MSANTD5: variants seen among roughly 807,000 people sequenced by gnomAD.
MSANTD5 encodes the protein uncharacterized protein MSANTD5.
upstream of MSANTD5, among the ~76,000 whole-genome samples, chr5:178,698,561 T>C (rs1765444595): frequency 6.6e-6 from 1 of 152,090 alleles, no homozygotes; most frequent in Admixed American, 6.6e-5. Context: ...GGCTTTACAG[T>C]GAATGGTACT....
upstream of MSANTD5, among the ~76,000 whole-genome samples, chr5:178,701,921 C>A (rs1007690461): frequency 6.6e-6 from 1 of 150,616 alleles, no homozygotes; most frequent in Middle Eastern, 3.4e-3. Flanking sequence ...TTAGTAGAAA[C>A]GGGGTTTCTC....
chr5:178,699,174 C>T (rs578237981), upstream of MSANTD5, among the ~76,000 whole-genome samples: 2 of 152,202 alleles, frequency 1.3e-5, no homozygotes, highest in South Asian at 2.1e-4. Context: ...TCCCCAGGCT[C>T]GAGCCCTCTG....
At chr5:178,704,569 G>A in the MSANTD5 span, among the ~76,000 whole-genome samples, 4 of 152,200 alleles carry the variant, frequency 2.6e-5, no homozygotes, top group Admixed American at 2.6e-4. Context: ...GAATTACACT[G>A]TAGTAGCCCA....
upstream of MSANTD5, among the ~76,000 whole-genome samples, chr5:178,698,741 T>G (rs115150155): frequency 4.7e-3 from 618 of 131,700 alleles, 3 homozygotes; most frequent in African/African-American, 0.016. Flanking sequence ...TGTGCCACCA[T>G]GCTTGGCCTT....
chr5:178,697,316 T>C (rs555589614), intron 1 of MSANTD5, among the ~76,000 whole-genome samples: 43 of 151,192 alleles, frequency 2.8e-4, no homozygotes, highest in South Asian at 6.2e-4. Flanking sequence ...TAGCCGGGCG[T>C]GGTGGCGGGC....
the MSANTD5 span, among the ~76,000 whole-genome samples, chr5:178,703,405 G>T: frequency 4.3e-4 from 66 of 152,286 alleles, no homozygotes; most frequent in African/African-American, 1.5e-3. Context: ...TCTAGCCCAG[G>T]ATTCTTTCTA....
downstream of MSANTD5, among the ~76,000 whole-genome samples, chr5:178,691,909 T>G (rs1449484620): frequency 7.4e-6 from 1 of 134,926 alleles, no homozygotes; most frequent in Admixed American, 7.5e-5. Context: ...TAAGCTCTGC[T>G]AAGGCCCTCT....
Position 178,695,331 on chromosome 5 carries a change from A to AGG in MSANTD5, c.357_358dup (p.Leu120ProfsTer40), listed in dbSNP as rs1765400610. 1 of 152,296 alleles carries AGG rather than the reference A, an allele frequency of 6.6e-6. No individual in the cohort carries two copies. Among genetic ancestry groups the AGG allele is most frequent in the South Asian group, 2.1e-4 (1 of 4,830 alleles). The allele number at this position is 152,296 out of a possible 1,614,324, so 9.4% of individuals were successfully genotyped here. A position where few individuals can be genotyped will look rare whatever the true frequency, so the allele number is the denominator to read the frequency against. On this transcript the variant is annotated frameshift_variant, in exon 3 of 4. Coordinates refer to ENST00000648368, the Ensembl canonical transcript of MSANTD5. LOFTEE classifies it low-confidence loss of function (END_TRUNC). ...CCATCTGTACCCCAGAATCCTGTGC[A>AGG]GGGCCTCACCATAAGGACATGGCAA...
At chr5:178,706,461 T>G in the MSANTD5 span, among the ~76,000 whole-genome samples, 1 of 152,016 alleles carries the variant, frequency 6.6e-6, no homozygotes, top group Non-Finnish European at 1.5e-5. Context: ...CATTCTATAA[T>G]CTTCCAGTTA....
chr5:178,695,636 C>G (rs1044408915), intron 2 of MSANTD5, 38 bp from the exon 3 acceptor site: 1 of 152,166 alleles, frequency 6.6e-6, no homozygotes, highest in African/African-American at 2.4e-5. Context: ...CTTGGCATAA[C>G]TCACCTGCAC....
upstream of MSANTD5, among the ~76,000 whole-genome samples, chr5:178,701,033 G>A (rs565383621): frequency 1.8e-4 from 28 of 152,312 alleles, no homozygotes; most frequent in African/African-American, 6.5e-4. Flanking sequence ...GAGTGCAGTG[G>A]CGCGATCTCG....
chr5:178,697,378 C>T (rs1052203605), intron 1 of MSANTD5, among the ~76,000 whole-genome samples: 4 of 152,144 alleles, frequency 2.6e-5, no homozygotes, highest in South Asian at 2.1e-4. Flanking sequence ...GGCCTGAACC[C>T]GGGAGGCGGA....
chr5:178,697,362 G>A (rs911146570), intron 1 of MSANTD5, among the ~76,000 whole-genome samples: 1 of 152,068 alleles, frequency 6.6e-6, no homozygotes, highest in Admixed American at 6.6e-5. Context: ...GCTGAGGCAG[G>A]AGAATGGCCT....
chr5:178,705,813 T>C, the MSANTD5 span, among the ~76,000 whole-genome samples: 871 of 151,948 alleles, frequency 5.7e-3, 3 homozygotes, highest in African/African-American at 0.019. Flanking sequence ...AAAACTTAGC[T>C]GGGCGTGGTG....
rs901074827 is a variant in MSANTD5, at chr5:178,696,079, A to C, written c.91+18T>G. 4 of 151,144 alleles carry C rather than the reference A, an allele frequency of 2.6e-5. No individual in the cohort carries two copies. Among genetic ancestry groups the C allele is most frequent in the Admixed American group, 2.0e-4 (3 of 15,200 alleles). The allele number at this position is 151,144 out of a possible 1,614,324, so 9.4% of individuals were successfully genotyped here. A position where few individuals can be genotyped will look rare whatever the true frequency, so the allele number is the denominator to read the frequency against. On this transcript the variant is annotated intron_variant, in intron 2 of 3. Coordinates refer to ENST00000648368, the Ensembl canonical transcript of MSANTD5. ...GAAAATTTTCTCTACTACATGTAAG[A>C]CTCTGAGGACACTGTACCTGAGGGC...
chr5:178,695,503 ACTT>A (rs975127826), exon 3 of MSANTD5: 42 of 152,152 alleles, frequency 2.8e-4, no homozygotes, highest in South Asian at 1.7e-3. Flanking sequence ...ACTATGTGAT[ACTT>A]CTTCTTCACC....
chr5:178,701,029 A>C (rs6870637), upstream of MSANTD5, among the ~76,000 whole-genome samples: 65,285 of 151,836 alleles, frequency 0.43, 14,676 homozygotes, highest in Admixed American at 0.52. Context: ...GCTGGAGTGC[A>C]GTGGCGCGAT....
chr5:178,693,971 T>C (rs1177646615), downstream of MSANTD5, among the ~76,000 whole-genome samples: 5 of 151,982 alleles, frequency 3.3e-5, no homozygotes, highest in African/African-American at 1.2e-4. Context: ...TCTCCTGAAG[T>C]AAGATATCAG....
At chr5:178,702,316 T>G (rs1765497705), upstream of MSANTD5, among the ~76,000 whole-genome samples, 1 of 149,106 alleles carries the variant, frequency 6.7e-6, no homozygotes, top group Admixed American at 6.7e-5. Context: ...TTTTTTTTTT[T>G]TTGACATGGA....
Sources: allele counts gnomAD v4.1 joint callset (sites outside exome capture counted in the v4.1 genomes callset), GRCh38; gene constraint gnomAD v4.1.1; transcripts MANE v1.5; gene names NCBI Gene and HGNC (gene_info 2026-07-23, HGNC 2026-07-21).